The following WDR49 variants were observed in gnomAD, a reference collection of about 807,000 sequenced individuals.
The protein encoded by WDR49 is cilia- and flagella-associated protein 337.
In WDR49, 107 loss-of-function variants were observed where a neutral mutation model predicts 119.5. The ratio of observed to expected loss-of-function variants is 0.90; its 90% CI spans 0.77 to 1.05. The LOEUF (loss-of-function observed/expected upper bound fraction) is 1.05, where lower values mean the gene tolerates loss of function less well. WDR49 is among the 50% of genes least tolerant of loss of function. WDR49 has a pLI of 0.00. For synonymous variants in WDR49, 425 were observed against 418.8 expected, an observed-to-expected ratio of 1.01 and a Z score of -0.18; for missense variants, 1,240 against 1,220.5, an observed-to-expected ratio of 1.02 and a Z score of -0.24.
At chr3:167,570,195 G>A (rs1232187987) in intron 8 of WDR49, among the ~76,000 whole-genome samples, 1 of 151,936 alleles carries the variant, frequency 6.6e-6, no homozygotes, top group African/African-American at 2.4e-5. Flanking sequence ...AATTTTCATT[G>A]TGTAAATCTG....
intron 2 of WDR49, among the ~76,000 whole-genome samples, chr3:167,630,504 G>C (rs905806190): frequency 6.6e-6 from 1 of 152,068 alleles, no homozygotes; most frequent in African/African-American, 2.4e-5. Flanking sequence ...ATATCTCCGA[G>C]GTATGCCTGT....
intron 2 of WDR49, among the ~76,000 whole-genome samples, chr3:167,637,802 G>C (rs1267313544): frequency 6.6e-6 from 1 of 151,438 alleles, no homozygotes; most frequent in Non-Finnish European, 1.5e-5. Context: ...TCTCTGCTTG[G>C]TTGCTTTTGG....
intron 18 of WDR49, among the ~76,000 whole-genome samples, chr3:167,497,811 G>T (rs552471379): frequency 1.3e-5 from 2 of 150,252 alleles, no homozygotes; most frequent in Admixed American, 6.6e-5. Context: ...TTTTTTACTG[G>T]TCATTCCTGT....
chr3:167,581,411 A>G (rs34215971), intron 7 of WDR49, among the ~76,000 whole-genome samples: 1,560 of 152,218 alleles, frequency 0.01, 8 homozygotes, highest in Non-Finnish European at 0.016. Context: ...AGGGGCCCCT[A>G]CCAACTCTGG....
At chr3:167,512,700 C>T (rs2108221558) in intron 16 of WDR49, among the ~76,000 whole-genome samples, 1 of 152,270 alleles carries the variant, frequency 6.6e-6, no homozygotes, top group African/African-American at 2.4e-5. Context: ...TGCAAAGAAG[C>T]TAAGAACCAC....
chr3:167,489,650 T>C (rs1577192719), intron 18 of WDR49, among the ~76,000 whole-genome samples: 2 of 152,246 alleles, frequency 1.3e-5, no homozygotes, highest in Admixed American at 1.3e-4. Context: ...GATCTTAACA[T>C]AGAAGAATTG....
intron 8 of WDR49, among the ~76,000 whole-genome samples, chr3:167,573,391 T>TACACACACACACACACACAC (rs57955643): frequency 1.4e-5 from 2 of 142,276 alleles, no homozygotes; most frequent in African/African-American, 5.2e-5. Context: ...TTATGTGGAA[T>TACACACACACACACACACAC]ACACACACAC....
intron 10 of WDR49, among the ~76,000 whole-genome samples, chr3:167,550,176 G>A (rs1361946747): frequency 1.3e-5 from 2 of 152,130 alleles, no homozygotes; most frequent in African/African-American, 4.8e-5. Flanking sequence ...TGGCAATGCA[G>A]GCTCTTTTTT....
intron 16 of WDR49, among the ~76,000 whole-genome samples, chr3:167,507,066 G>A (rs1463378423): frequency 6.6e-5 from 10 of 152,102 alleles, no homozygotes; most frequent in African/African-American, 2.4e-4. Context: ...CAAGTTTTTA[G>A]TAATGTTTAC....
intron 18 of WDR49, among the ~76,000 whole-genome samples, chr3:167,495,996 T>C (rs1751342146): frequency 6.6e-6 from 1 of 150,710 alleles, no homozygotes; most frequent in African/African-American, 2.4e-5. Flanking sequence ...TTCAGACATG[T>C]AAAAGCTGGG....
chr3:167,505,553 A>G (rs979300664), intron 16 of WDR49, 137 bp from the exon 17 acceptor site: 6 of 1,231,550 alleles, frequency 4.9e-6, no homozygotes, highest in Non-Finnish European at 6.2e-6. Flanking sequence ...AAGTAGTGAT[A>G]TTTGTTTATA....
intron 2 of WDR49, among the ~76,000 whole-genome samples, chr3:167,649,611 T>G (rs189507836): frequency 5.4e-4 from 82 of 152,332 alleles, no homozygotes; most frequent in African/African-American, 1.9e-3. Flanking sequence ...TGAGATTCAG[T>G]TTGAATAAGT....
At position 167,539,638 on chromosome 3, in the gene WDR49, C is replaced by G. The variant is rs546019015; in HGVS notation, c.1824-2638G>C. On this transcript the variant is annotated intron_variant, in intron 10 of 18. Transcript: ENST00000682715. ...ACAGTAGCAAGCATAGTGACCTATA[C>G]ATATTGAGTGTTCAATAAATATCTG... Among the ~76,000 whole-genome samples the G allele has an allele frequency of 3.9e-5, 6 of 152,242 alleles. No homozygotes were observed. In the South Asian group the frequency reaches 1.2e-3, roughly 32 times the overall value.
intron 18 of WDR49, among the ~76,000 whole-genome samples, chr3:167,494,664 ACT>A (rs1751277272): frequency 6.6e-6 from 1 of 152,178 alleles, no homozygotes; most frequent in Non-Finnish European, 1.5e-5. Flanking sequence ...CCTGCATTCG[ACT>A]GAGAGACTCT....
rs201074073 is a variant in WDR49 at position 167,602,258 on chromosome 3, T to G, written c.1144A>C (p.Asn382His). 5.5e-5 allele frequency: 87 copies of G among 1,584,552 alleles called. 1 individual carries two copies. In the South Asian group the frequency reaches 8.6e-4, roughly 16 times the overall value. Reference protein sequence around the residue: ...LNLIATAGINNKVCLWNPYVV... With the variant: ...LNLIATAGINHKVCLWNPYVV... ...TAGGGATTCCAAAGGCAAACTTTAT[T>G]GTTAATGCCAGCAGTTGCTAATCAG... Residue 382 changes from asparagine to histidine, a missense_variant, in exon 7 of 19, where the codon AAT becomes CAT. Coordinates refer to ENST00000682715, the MANE Select transcript of WDR49 (RefSeq NM_001366157.1).
intron 8 of WDR49, among the ~76,000 whole-genome samples, chr3:167,572,386 C>T (rs1713982878): frequency 6.6e-6 from 1 of 152,154 alleles, no homozygotes; most frequent in African/African-American, 2.4e-5. Flanking sequence ...TATTGGGTCC[C>T]CACTGAAGTC....
intron 16 of WDR49, among the ~76,000 whole-genome samples, chr3:167,505,911 A>C (rs1231160624): frequency 1.3e-5 from 2 of 152,210 alleles, no homozygotes; most frequent in African/African-American, 4.8e-5. Context: ...ACTTGAATTC[A>C]CAGAAAGGAT....
intron 9 of WDR49, among the ~76,000 whole-genome samples, chr3:167,559,662 A>G (rs986749585): frequency 6.6e-6 from 1 of 152,178 alleles, no homozygotes; most frequent in East Asian, 1.9e-4. Flanking sequence ...CATCTATGCC[A>G]TTTTTTAAAG....
At chr3:167,515,666 C>T (rs890210427) in intron 16 of WDR49, among the ~76,000 whole-genome samples, 1 of 152,006 alleles carries the variant, frequency 6.6e-6, no homozygotes, top group Non-Finnish European at 1.5e-5. Context: ...AGAAATAAAG[C>T]GTATTCAAAT....
Sources: allele counts gnomAD v4.1 joint callset (sites outside exome capture counted in the v4.1 genomes callset), GRCh38; gene constraint gnomAD v4.1.1; transcripts MANE v1.5; gene names NCBI Gene and HGNC (gene_info 2026-07-23, HGNC 2026-07-21).